The following CACNA1E variants were observed in gnomAD, a reference collection of about 807,000 sequenced individuals.
CACNA1E encodes voltage-dependent R-type calcium channel subunit alpha-1E.
A neutral mutation model predicts 259.2 loss-of-function variants in CACNA1E; 40 were observed. That is an observed-to-expected ratio of 0.15 (90% CI 0.12 to 0.20). The LOEUF (loss-of-function observed/expected upper bound fraction) is 0.20, where lower values mean the gene tolerates loss of function less well. Among genes scored for constraint, CACNA1E ranks in the 10% least tolerant of loss-of-function variants. CACNA1E has a pLI of 1.00. For synonymous variants in CACNA1E, 1,104 were observed against 1,138.5 expected (o/e 0.97, Z 0.61); for missense variants, 1,874 against 3,040.1 (o/e 0.62, Z 9.02).
At chr1:181,411,804 T>C (rs987720446) in intron 1 of CACNA1E, among the ~76,000 whole-genome samples, 23 of 152,226 alleles carry the variant, frequency 1.5e-4, no homozygotes, top group African/African-American at 5.5e-4. Context: ...GAGACTAGGT[T>C]TCACCATGTC....
chr1:181,488,367 A>C (rs1001166985), intron 1 of CACNA1E, among the ~76,000 whole-genome samples: 5 of 152,214 alleles, frequency 3.3e-5, no homozygotes, highest in African/African-American at 1.2e-4. Context: ...ATGATCAGAT[A>C]ATGCAGAGGG....
intron 45 of CACNA1E, 49 bp downstream of exon 45, chr1:181,793,842 G>C (rs1661547713): frequency 5.1e-6 from 8 of 1,580,732 alleles, no homozygotes; most frequent in Non-Finnish European, 6.9e-6. Context: ...GGCTGTATTA[G>C]CTGGGTTATG....
At chr1:181,494,217 G>T (rs554925138) in intron 1 of CACNA1E, among the ~76,000 whole-genome samples, 6 of 152,178 alleles carry the variant, frequency 3.9e-5, no homozygotes. Context: ...ATCCCTGCAA[G>T]GGAGGGGGGA....
At chr1:181,530,028 ATC>A (rs1667656545) in intron 3 of CACNA1E, among the ~76,000 whole-genome samples, 1 of 152,164 alleles carries the variant, frequency 6.6e-6, no homozygotes. Context: ...CCCCACCCAA[ATC>A]TCAACTTCAG....
chr1:181,439,577 C>T (rs1194734695), intron 2 of CACNA1E, among the ~76,000 whole-genome samples: 1 of 152,138 alleles, frequency 6.6e-6, no homozygotes, highest in Non-Finnish European at 1.5e-5. Flanking sequence ...AGCACAGTGA[C>T]CAGCAGTGAT....
chr1:181,436,981 C>A (rs921690951), intron 2 of CACNA1E, among the ~76,000 whole-genome samples: 2 of 152,028 alleles, frequency 1.3e-5, no homozygotes, highest in African/African-American at 4.8e-5. Context: ...TAAATATATA[C>A]AATTATTATG....
intron 33 of CACNA1E, among the ~76,000 whole-genome samples, chr1:181,763,003 T>C (rs1230901189): frequency 6.6e-6 from 1 of 152,206 alleles, no homozygotes; most frequent in Non-Finnish European, 1.5e-5. Flanking sequence ...CCTGTATTTT[T>C]TCCATAAACT....
chr1:181,507,838 T>G (rs1186353198), intron 1 of CACNA1E, among the ~76,000 whole-genome samples: 2 of 152,216 alleles, frequency 1.3e-5, no homozygotes, highest in Non-Finnish European at 2.9e-5. Context: ...TTCTTGGATC[T>G]GCTGAGCAGG....
intron 2 of CACNA1E, among the ~76,000 whole-genome samples, chr1:181,417,795 A>C (rs1026490846): frequency 6.6e-5 from 10 of 152,200 alleles, no homozygotes; most frequent in Non-Finnish European, 1.3e-4. Flanking sequence ...AAATAGCAGC[A>C]ATCAGGAGAG....
intron 7 of CACNA1E, among the ~76,000 whole-genome samples, chr1:181,655,140 A>G (rs1241702574): frequency 6.6e-6 from 1 of 152,152 alleles, no homozygotes; most frequent in Non-Finnish European, 1.5e-5. Flanking sequence ...CACATTTTGA[A>G]TGTATTATAA....
intron 3 of CACNA1E, among the ~76,000 whole-genome samples, chr1:181,526,962 A>G (rs995714383): frequency 6.6e-6 from 1 of 152,228 alleles, no homozygotes; most frequent in Non-Finnish European, 1.5e-5. Flanking sequence ...GAACAAATAT[A>G]TTCTCTGGGT....
At chr1:181,720,922 G>A in intron 15 of CACNA1E, 67 bp downstream of exon 15, 1 of 1,004,850 alleles carries the variant, frequency 1.0e-6, no homozygotes, top group Non-Finnish European at 1.6e-6. Context: ...TGCAAGACAA[G>A]GATGAGTTTC....
intron 11 of CACNA1E, 80 bp downstream of exon 11, chr1:181,717,382 C>A: frequency 8.7e-7 from 1 of 1,147,468 alleles, no homozygotes; most frequent in Non-Finnish European, 1.3e-6. Flanking sequence ...CGCAAGACAG[C>A]AAAGCACCCT....
chr1:181,739,347 G>T, intron 25 of CACNA1E, 94 bp downstream of exon 25: 1 of 877,966 alleles, frequency 1.1e-6, no homozygotes, highest in South Asian at 1.4e-5. Context: ...CAACATGCAG[G>T]GTGATGCCAA....
At chr1:181,772,335 C>G (rs899402295) in intron 37 of CACNA1E, 104 bp downstream of exon 37, 1 of 1,120,842 alleles carries the variant, frequency 8.9e-7, no homozygotes, top group Non-Finnish European at 1.3e-6. Context: ...ATGTTTGTGC[C>G]TCCCTCCCCT....
intron 21 of CACNA1E, 44 bp from the exon 22 acceptor site, chr1:181,736,231 C>A: frequency 6.5e-7 from 1 of 1,542,704 alleles, no homozygotes; most frequent in Non-Finnish European, 8.8e-7. Context: ...GCCATTTTCA[C>A]ATGCCTCATG....
chr1:181,356,355 T>A (rs1053501454), intron 1 of CACNA1E, among the ~76,000 whole-genome samples: 1 of 152,086 alleles, frequency 6.6e-6, no homozygotes, highest in Non-Finnish European at 1.5e-5. Context: ...TGTGTGTGTG[T>A]GTGTGTGTTC....
At chr1:181,367,753 A>C (rs1221459387) in intron 1 of CACNA1E, among the ~76,000 whole-genome samples, 1 of 151,880 alleles carries the variant, frequency 6.6e-6, no homozygotes, top group East Asian at 1.9e-4. Context: ...GATATGGTAA[A>C]GTAGCTTTTA....
chr1:181,510,397 A>G (rs1412906866), intron 1 of CACNA1E, 80 bp from the exon 2 acceptor site: 5 of 876,702 alleles, frequency 5.7e-6, no homozygotes, highest in South Asian at 1.4e-5. Context: ...GGGTTGATAG[A>G]GTTGTGTGTT....
Sources: allele counts gnomAD v4.1 joint callset (sites outside exome capture counted in the v4.1 genomes callset), GRCh38; gene constraint gnomAD v4.1.1; transcripts MANE v1.5; gene names NCBI Gene and HGNC (gene_info 2026-07-23, HGNC 2026-07-21).